RBMS3: variants seen among roughly 807,000 people sequenced by gnomAD.
RBMS3 encodes the protein RNA-binding motif, single-stranded-interacting protein 3.
RBMS3 carries 27 observed loss-of-function variants against 66.8 expected under a neutral mutation model. That is an observed-to-expected ratio of 0.40 (90% CI 0.30 to 0.56). The LOEUF (loss-of-function observed/expected upper bound fraction) is 0.56. RBMS3 is among the 20% of genes least tolerant of loss of function. The pLI, the probability that RBMS3 is intolerant of heterozygous loss-of-function variation, is 0.40. For missense variants in RBMS3, 513 were observed against 549.5 expected (o/e 0.93, Z 0.66); for synonymous variants, 188 against 183.0 (o/e 1.03, Z -0.22).
intron 6 of RBMS3, among the ~76,000 whole-genome samples, chr3:29,777,007 T>A (rs993645380): frequency 8.6e-5 from 13 of 151,920 alleles, no homozygotes; most frequent in Non-Finnish European, 1.5e-4. Flanking sequence ...CCATGGCAGC[T>A]GTGTTAATGT....
At chr3:29,563,894 G>T (rs144474526) in intron 3 of RBMS3, among the ~76,000 whole-genome samples, 11 of 151,846 alleles carry the variant, frequency 7.2e-5, no homozygotes, top group Non-Finnish European at 1.6e-4. Flanking sequence ...GCATGTACCT[G>T]TGGTTTCAGC....
At chr3:29,924,652 A>T (rs2060883848) in intron 10 of RBMS3, 1 of 152,164 alleles carries the variant, frequency 6.6e-6, no homozygotes, top group African/African-American at 2.4e-5. Flanking sequence ...CCTGATCAAC[A>T]TGGAAAAACT....
chr3:29,349,561 TTC>T (rs2036781039), intron 1 of RBMS3, among the ~76,000 whole-genome samples: 1 of 152,202 alleles, frequency 6.6e-6, no homozygotes, highest in Admixed American at 6.5e-5. Flanking sequence ...CAGAATAACT[TTC>T]TCCAAACAGA....
chr3:29,608,777 A>C (rs1252713778), intron 4 of RBMS3, among the ~76,000 whole-genome samples: 1 of 152,022 alleles, frequency 6.6e-6, no homozygotes, highest in East Asian at 1.9e-4. Flanking sequence ...AGGGCAAGAG[A>C]TCCAAATAGT....
intron 4 of RBMS3, among the ~76,000 whole-genome samples, chr3:29,593,077 A>C (rs1004929375): frequency 3.9e-5 from 6 of 151,988 alleles, no homozygotes; most frequent in African/African-American, 1.4e-4. Flanking sequence ...TGACGAGTTA[A>C]TGGGTGCAAC....
chr3:29,292,273 C>G (rs1464854042), intron 1 of RBMS3, among the ~76,000 whole-genome samples: 2 of 151,684 alleles, frequency 1.3e-5, no homozygotes, highest in Non-Finnish European at 2.9e-5. Context: ...CAGATTTTCT[C>G]TGAGGCTTTA....
chr3:29,894,385 T>G (rs954872884), intron 8 of RBMS3, among the ~76,000 whole-genome samples: 4 of 151,416 alleles, frequency 2.6e-5, no homozygotes, highest in African/African-American at 9.7e-5. Context: ...GCCCAGCTAA[T>G]TTTTGTATTT....
intron 10 of RBMS3, among the ~76,000 whole-genome samples, chr3:29,920,948 G>A (rs188958241): frequency 9.9e-5 from 15 of 151,926 alleles, no homozygotes; most frequent in Admixed American, 3.9e-4. Context: ...TGGGGGTGCC[G>A]TGTAAAAAAT....
At chr3:29,875,217 C>T (rs1253387544) in intron 7 of RBMS3, among the ~76,000 whole-genome samples, 2 of 151,818 alleles carry the variant, frequency 1.3e-5, no homozygotes, top group Non-Finnish European at 2.9e-5. Context: ...TCAGAATTAC[C>T]CCCACTAATG....
At chr3:29,285,676 G>T (rs2125413290) in intron 1 of RBMS3, among the ~76,000 whole-genome samples, 1 of 152,212 alleles carries the variant, frequency 6.6e-6, no homozygotes, top group East Asian at 1.9e-4. Context: ...AAGGGGCCAG[G>T]TGTAAGAAGT....
intron 3 of RBMS3, among the ~76,000 whole-genome samples, chr3:29,537,330 A>G (rs1419375889): frequency 1.3e-5 from 2 of 152,204 alleles, no homozygotes; most frequent in African/African-American, 2.4e-5. Context: ...TTGGTAAATA[A>G]TAAGTATTTT....
At chr3:29,484,341 T>C (rs2043244763) in intron 2 of RBMS3, among the ~76,000 whole-genome samples, 2 of 152,176 alleles carry the variant, frequency 1.3e-5, no homozygotes, top group South Asian at 4.1e-4. Context: ...AAGATCAAGG[T>C]ATTGGCACCA....
At chr3:29,567,174 C>T (rs562067154) in intron 3 of RBMS3, among the ~76,000 whole-genome samples, 2 of 152,196 alleles carry the variant, frequency 1.3e-5, no homozygotes, top group South Asian at 2.1e-4. Flanking sequence ...TTTCTCCCCC[C>T]ACAGCACCTA....
intron 4 of RBMS3, among the ~76,000 whole-genome samples, chr3:29,737,048 C>T (rs1019074162): frequency 2.3e-4 from 35 of 152,030 alleles, no homozygotes; most frequent in Non-Finnish European, 3.5e-4. Flanking sequence ...ATGATCTCAG[C>T]TCACTGCAAG....
chr3:29,687,984 G>C (rs1576526710), intron 4 of RBMS3, among the ~76,000 whole-genome samples: 1 of 152,260 alleles, frequency 6.6e-6, no homozygotes, highest in African/African-American at 2.4e-5. Context: ...GTCATATTAT[G>C]TTTCAGTGGT....
chr3:29,492,078 T>C (rs189466195), intron 3 of RBMS3, among the ~76,000 whole-genome samples: 2 of 152,306 alleles, frequency 1.3e-5, no homozygotes, highest in East Asian at 1.9e-4. Flanking sequence ...GTGTCCATTA[T>C]ATGCTTATAA....
chr3:29,582,176 A>AGATAGATG (rs2047353805), intron 3 of RBMS3, among the ~76,000 whole-genome samples: 2 of 149,988 alleles, frequency 1.3e-5, no homozygotes, highest in African/African-American at 4.8e-5. Flanking sequence ...ATAGATAGAT[A>AGATAGATG]GATAGATAGA....
Position 29,655,415 on chromosome 3 carries a change from C to T in RBMS3, c.399+68210C>T, listed in dbSNP as rs546606039. Among the ~76,000 whole-genome samples, 5 of 152,238 alleles carry T rather than the reference C, an allele frequency of 3.3e-5. No homozygotes were observed. In the South Asian group the frequency reaches 1.0e-3, roughly 32 times the overall value. On this transcript the variant is annotated intron_variant, in intron 4 of 14. Coordinates refer to ENST00000383767, the MANE Select transcript of RBMS3 (RefSeq NM_001003793.3). ...TTTGCGTGATACTTTAGTCATGCAC[C>T]ACATAAAGATGTTTCGGTTAAGGAC...
chr3:29,881,786 C>G (rs1350859824), intron 7 of RBMS3, among the ~76,000 whole-genome samples: 1 of 152,018 alleles, frequency 6.6e-6, no homozygotes, highest in African/African-American at 2.4e-5. Flanking sequence ...GTGGCCAGAA[C>G]AAACAAGCAT....
Sources: allele counts gnomAD v4.1 joint callset (sites outside exome capture counted in the v4.1 genomes callset), GRCh38; gene constraint gnomAD v4.1.1; transcripts MANE v1.5; gene names NCBI Gene and HGNC (gene_info 2026-07-23, HGNC 2026-07-21).